The following DMD variants were observed in gnomAD, a reference collection of about 807,000 sequenced individuals.
DMD encodes mutant dystrophin.
Under a neutral mutation model 330.1 loss-of-function variants are expected in DMD, and 63 were observed. The observed-to-expected ratio is 0.19, with a 90% confidence interval of 0.16 to 0.24. The LOEUF (loss-of-function observed/expected upper bound fraction) is 0.24, where lower values mean the gene tolerates loss of function less well. Ranked by LOEUF, DMD falls within the 10% of genes least tolerant of loss-of-function variation. DMD has a pLI of 1.00. For missense variants in DMD, 3,344 were observed against 2,684.1 expected, an observed-to-expected ratio of 1.25 and a Z score of -5.43; for synonymous variants, 1,223 against 959.8, an observed-to-expected ratio of 1.27 and a Z score of -5.07.
chrX:32,800,417 A>G (rs929315125), intron 7 of DMD, among the ~76,000 whole-genome samples: 1 of 111,678 alleles, frequency 9.0e-6, no homozygotes, highest in South Asian at 3.7e-4. Context: ...CATTGAGATT[A>G]TCTCCTGAAA....
chrX:32,170,458 C>A (rs889354421), intron 44 of DMD, among the ~76,000 whole-genome samples: 3 of 107,329 alleles, frequency 2.8e-5, no homozygotes, highest in Non-Finnish European at 3.8e-5. Flanking sequence ...GGCAACAGAG[C>A]GAAACTCCAT....
At chrX:31,279,207 T>C (rs1265861539) in intron 62 of DMD, among the ~76,000 whole-genome samples, 3 of 112,612 alleles carry the variant, frequency 2.7e-5, no homozygotes, top group Non-Finnish European at 5.6e-5. Context: ...GGATGCTGTA[T>C]GTCTACCATT....
chrX:32,506,737 G>C (rs2044667763), intron 18 of DMD, among the ~76,000 whole-genome samples: 1 of 111,354 alleles, frequency 9.0e-6, no homozygotes, highest in East Asian at 2.8e-4. Flanking sequence ...GGTATTTTGT[G>C]ATTTTATGTT....
At chrX:31,863,213 G>A (rs1438827567) in intron 48 of DMD, among the ~76,000 whole-genome samples, 2 of 112,110 alleles carry the variant, frequency 1.8e-5, no homozygotes, top group Admixed American at 9.4e-5. Flanking sequence ...CGTGGTGGCG[G>A]GCGCCTGTAG....
At chrX:31,372,624 C>G (rs1413396105) in intron 60 of DMD, among the ~76,000 whole-genome samples, 4 of 111,485 alleles carry the variant, frequency 3.6e-5, no homozygotes, top group East Asian at 2.8e-4. Flanking sequence ...ATTCAACAAC[C>G]CTTCATGCTA....
intron 55 of DMD, among the ~76,000 whole-genome samples, chrX:31,578,585 C>A (rs1467400198): frequency 8.9e-6 from 1 of 111,965 alleles, no homozygotes; most frequent in East Asian, 2.8e-4. Context: ...TTATTCCTGA[C>A]ATATTGAATA....
At position 31,913,155 on chromosome X, in the gene DMD, T is replaced by G. The variant is rs144716108; in HGVS notation, c.6912+16441A>C. On this transcript the variant is annotated intron_variant, in intron 47 of 78. Transcript: ENST00000357033. ...CTTGGTTGATATCAGGTGAAGCAGA[T>G]GAATATCATAGTCAACTCTCAGAAT... Among the ~76,000 whole-genome samples, 4 of 112,465 alleles carry G rather than the reference T, an allele frequency of 3.6e-5. No individual in the cohort carries two copies. In the Admixed American group the frequency reaches 3.8e-4, roughly 11 times the overall value.
intron 17 of DMD, among the ~76,000 whole-genome samples, chrX:32,536,264 CAAAAAAAAAAA>C (rs1191335690): frequency 8.2e-5 from 3 of 36,378 alleles, no homozygotes; most frequent in Non-Finnish European, 1.4e-4. Context: ...ACTCCGTCTC[CAAAAAAAAAAA>C]AAAAAAAAAA....
intron 43 of DMD, among the ~76,000 whole-genome samples, chrX:32,275,930 T>C (rs748859673): frequency 7.2e-5 from 8 of 111,376 alleles, no homozygotes; most frequent in Non-Finnish European, 1.3e-4. Flanking sequence ...TCATGGTACC[T>C]GGTTTTAACT....
At chrX:31,703,873 T>C (rs763008578) in intron 52 of DMD, among the ~76,000 whole-genome samples, 4 of 111,389 alleles carry the variant, frequency 3.6e-5, no homozygotes, top group South Asian at 3.7e-4. Context: ...ATACATACTA[T>C]ATTATTAAGA....
At chrX:31,885,196 T>C (rs1030909535) in intron 47 of DMD, among the ~76,000 whole-genome samples, 4 of 111,556 alleles carry the variant, frequency 3.6e-5, no homozygotes, top group African/African-American at 1.3e-4. Flanking sequence ...TAAATAATAT[T>C]CATAAGGTTA....
At chrX:32,041,701 A>G (rs1283661910) in intron 44 of DMD, among the ~76,000 whole-genome samples, 2 of 110,731 alleles carry the variant, frequency 1.8e-5, no homozygotes, top group African/African-American at 6.6e-5. Flanking sequence ...TAGCCCTCGT[A>G]CATGCATCCA....
chrX:33,099,188 G>C (rs1055684426), intron 1 of DMD, among the ~76,000 whole-genome samples: 18 of 111,762 alleles, frequency 1.6e-4, no homozygotes, highest in Non-Finnish European at 3.8e-5. Flanking sequence ...GGGTAGGAAA[G>C]TTTCTTTGGA....
In DMD at chrX:31,332,136, A is replaced by C. The variant is rs1414254151; in HGVS notation, c.9164-8478T>G. On this transcript the variant is annotated intron_variant, in intron 61 of 78. Transcript: ENST00000357033. ...TTGCTTTAGCAGATATGATGTGAAC[A>C]GAGGCTTGTCACACTGGCAATCTGC... Among the ~76,000 whole-genome samples, 12 of 112,217 alleles carry C rather than the reference A, an allele frequency of 1.1e-4. No individual in the cohort carries two copies. The Admixed American group carries it at 1.1e-3, about 11-fold the overall frequency.
chrX:32,717,938 A>G (rs1220005482), intron 7 of DMD, among the ~76,000 whole-genome samples: 3 of 111,290 alleles, frequency 2.7e-5, no homozygotes, highest in Non-Finnish European at 5.7e-5. Flanking sequence ...CTTCTGATCG[A>G]TTTAACTCTT....
chrX:32,616,715 TC>T (rs1462598396), intron 11 of DMD, among the ~76,000 whole-genome samples: 2,364 of 89,514 alleles, frequency 0.026, 158 homozygotes, highest in African/African-American at 0.1. Context: ...TTTTTTTTTT[TC>T]TTTAAAGAAT....
At chrX:31,803,960 A>C (rs2092195563) in intron 50 of DMD, among the ~76,000 whole-genome samples, 1 of 110,375 alleles carries the variant, frequency 9.1e-6, no homozygotes, top group African/African-American at 3.3e-5. Context: ...CGGCCCCCCA[A>C]AGTGTTGGGA....
At chrX:32,095,305 T>C (rs1335934746) in intron 44 of DMD, among the ~76,000 whole-genome samples, 1 of 112,072 alleles carries the variant, frequency 8.9e-6, no homozygotes, top group Non-Finnish European at 1.9e-5. Flanking sequence ...AAATATCTCG[T>C]TATCCATAGT....
In DMD at chrX:32,126,542, C is replaced by A. The variant is rs185736839; in HGVS notation, c.6438+90374G>T. On this transcript the variant is annotated intron_variant, in intron 44 of 78. Transcript: ENST00000357033. ...TGTTTTGTTCCTTTGAAATATGTAA[C>A]CTTAACCAGATGTTTATACCCTGGG... 3.6e-4 allele frequency among the ~76,000 whole-genome samples: 40 copies of A among 110,423 alleles called. 1 individual carries two copies. Among genetic ancestry groups the A allele is most frequent in the Admixed American group, 3.3e-3 (35 of 10,490 alleles).
Sources: allele counts gnomAD v4.1 joint callset (sites outside exome capture counted in the v4.1 genomes callset), GRCh38; gene constraint gnomAD v4.1.1; transcripts MANE v1.5; gene names NCBI Gene and HGNC (gene_info 2026-07-23, HGNC 2026-07-21).